FAR2: variants seen among roughly 807,000 people sequenced by gnomAD.
FAR2 encodes the protein fatty acyl-CoA reductase 2.
FAR2 carries 19 observed loss-of-function variants against 56.0 expected under a neutral mutation model. The observed-to-expected ratio is 0.34, with a 90% CI of 0.24 to 0.50. The LOEUF (loss-of-function observed/expected upper bound fraction) is 0.50. Ranked by LOEUF, FAR2 falls within the 20% of genes least tolerant of loss-of-function variation. The probability of loss-of-function intolerance (pLI) is 0.98; values close to 1 mark genes in which losing one functional copy is unlikely to be tolerated. For missense variants in FAR2, 508 were observed against 642.2 expected (o/e 0.79, Z 2.26); for synonymous variants, 219 against 218.8 (o/e 1.00, Z -0.01).
intron 6 of FAR2, 121 bp from the exon 7 acceptor site, chr12:29,310,907 G>A: frequency 1.3e-6 from 1 of 743,980 alleles, no homozygotes; most frequent in Non-Finnish European, 2.3e-6. Flanking sequence ...CTGGTAAGCA[G>A]TGGATCAATG....
At position 29,214,239 on chromosome 12, in the gene FAR2, T is replaced by C. The variant is rs150348256; in HGVS notation, c.-38-56173T>C. ...GGTATTTGAGAATACCACTTGCTGA[T>C]TAAATGTTGATGCAATATTTTTCCT... is the stretch of plus-strand genomic sequence containing the variant. On this transcript the variant is annotated intron_variant, in intron 1 of 11. Transcript: ENST00000536681. Among the ~76,000 whole-genome samples, 15 of 152,350 alleles carry C rather than the reference T, an allele frequency of 9.8e-5. 1 individual carries two copies. Among genetic ancestry groups the C allele is most frequent in the African/African-American group, 3.6e-4 (15 of 41,576 alleles).
chr12:29,220,358 A>G (rs1267759773), intron 1 of FAR2, among the ~76,000 whole-genome samples: 3 of 152,170 alleles, frequency 2.0e-5, no homozygotes, highest in Non-Finnish European at 4.4e-5. Context: ...AGGGAATCCT[A>G]TGGGTTAATG....
At chr12:29,280,059 G>A (rs1948763182) in intron 2 of FAR2, among the ~76,000 whole-genome samples, 1 of 151,914 alleles carries the variant, frequency 6.6e-6, no homozygotes, top group Non-Finnish European at 1.5e-5. Context: ...CAAGTAGCTG[G>A]GATTACAGGC....
rs183852134 is a variant in FAR2 at position 29,320,757 on chromosome 12, A to G, written c.1128-1038A>G. 1.1e-4 allele frequency among the ~76,000 whole-genome samples: 17 copies of G among 152,318 alleles called. No individual in the cohort carries two copies. The East Asian group carries it at 1.5e-3, about 14-fold the overall frequency. The stretch of plus-strand genomic sequence containing the variant: ...ATCTTACAGCCATATTGTTAGGATC[A>G]AGTAAGATTGTATATGAAAGTTTTT... On this transcript the variant is annotated intron_variant, in intron 9 of 11. Transcript: ENST00000536681.
rs1949767497 is a variant in FAR2, at chr12:29,334,034, T to G, written c.*240T>G. 2.6e-6 allele frequency: 1 copy of G among 381,006 alleles called. No individual in the cohort carries two copies. The highest frequency in any genetic ancestry group is 7.4e-4 in the Middle Eastern group (1 of 1,356). The allele number at this position is 381,006 out of a possible 1,614,324, so 23.6% of individuals were successfully genotyped here. On this transcript the variant is annotated 3_prime_UTR_variant, in exon 12 of 12. Coordinates refer to ENST00000536681, the MANE Select transcript of FAR2 (RefSeq NM_001271783.2). Reference sequence around the variant, plus strand: ...AAATCCAAATTGTTTCCTAACATTCTATTTTATGCCCTTGCGTATTAAACG... The same window carrying G: ...AAATCCAAATTGTTTCCTAACATTCGATTTTATGCCCTTGCGTATTAAACG...
At chr12:29,270,743 C>A in intron 2 of FAR2, 105 bp downstream of exon 2, 1 of 969,150 alleles carries the variant, frequency 1.0e-6, no homozygotes, top group Non-Finnish European at 1.4e-6. Flanking sequence ...ACCAGGCTAC[C>A]TGCACAGGTA....
chr12:29,289,665 G>T (rs962692337), intron 2 of FAR2, among the ~76,000 whole-genome samples: 3 of 152,236 alleles, frequency 2.0e-5, no homozygotes, highest in African/African-American at 7.2e-5. Flanking sequence ...ACAAGCACAG[G>T]CAACCAAAGC....
chr12:29,261,678 GAAAC>G (rs1318261386), intron 1 of FAR2, among the ~76,000 whole-genome samples: 1 of 152,124 alleles, frequency 6.6e-6, no homozygotes, highest in African/African-American at 2.4e-5. Flanking sequence ...CAAGAGAAAA[GAAAC>G]AAACAACATA....
chr12:29,227,726 T>C (rs1947791235), intron 1 of FAR2, among the ~76,000 whole-genome samples: 1 of 152,176 alleles, frequency 6.6e-6, no homozygotes, highest in South Asian at 2.1e-4. Flanking sequence ...AAAGCAGCAT[T>C]CTCTTGACTG....
intron 1 of FAR2, among the ~76,000 whole-genome samples, chr12:29,162,231 A>G (rs374122186): frequency 8.5e-5 from 13 of 152,366 alleles, no homozygotes; most frequent in African/African-American, 3.1e-4. Flanking sequence ...ACTAAAAGTT[A>G]TACTATCCAT....
At chr12:29,250,534 T>C (rs1469527813) in intron 1 of FAR2, among the ~76,000 whole-genome samples, 1 of 152,224 alleles carries the variant, frequency 6.6e-6, no homozygotes, top group Non-Finnish European at 1.5e-5. Context: ...CCTCATATTA[T>C]TTATTTTGTT....
At chr12:29,235,303 A>G (rs1380025350) in intron 1 of FAR2, among the ~76,000 whole-genome samples, 1 of 152,224 alleles carries the variant, frequency 6.6e-6, no homozygotes, top group Non-Finnish European at 1.5e-5. Flanking sequence ...AGGCAGAATG[A>G]CATTCCAAAC....
At chr12:29,193,577 G>T (rs1950120241) in intron 1 of FAR2, among the ~76,000 whole-genome samples, 3 of 152,132 alleles carry the variant, frequency 2.0e-5, no homozygotes. Context: ...TGGCTTGATA[G>T]CTCATTTCCA....
At chr12:29,203,379 A>G (rs1249595805) in intron 1 of FAR2, among the ~76,000 whole-genome samples, 1 of 152,214 alleles carries the variant, frequency 6.6e-6, no homozygotes, top group Non-Finnish European at 1.5e-5. Flanking sequence ...TCCTTTGCAA[A>G]GAAGTATTAC....
At chr12:29,190,622 AC>A (rs1191013936) in intron 1 of FAR2, among the ~76,000 whole-genome samples, 1 of 151,748 alleles carries the variant, frequency 6.6e-6, no homozygotes, top group Non-Finnish European at 1.5e-5. Flanking sequence ...ACACCACCAC[AC>A]CCGGCTAATT....
chr12:29,220,457 A>C (rs541968852), intron 1 of FAR2, among the ~76,000 whole-genome samples: 22 of 152,316 alleles, frequency 1.4e-4, no homozygotes, highest in African/African-American at 5.1e-4. Context: ...ACGTTTCTCT[A>C]TTAATTTAAT....
Position 29,153,433 on chromosome 12 carries a change from A to C in FAR2, c.-39+4026A>C, listed in dbSNP as rs182730980. Among the ~76,000 whole-genome samples, 79 of 152,352 alleles carry C rather than the reference A, an allele frequency of 5.2e-4. 1 individual carries two copies. The highest frequency in any genetic ancestry group is 3.1e-3 in the East Asian group (16 of 5,190). On this transcript the variant is annotated intron_variant, in intron 1 of 11. Coordinates refer to ENST00000536681, the MANE Select transcript of FAR2 (RefSeq NM_001271783.2). Reference sequence around the variant, plus strand: ...AAAACGCTTGCAGCATTCAGGGGACAGAGAGAAGGCAGGCCTTGTGACTGC... The same window carrying C: ...AAAACGCTTGCAGCATTCAGGGGACCGAGAGAAGGCAGGCCTTGTGACTGC...
At position 29,315,527 on chromosome 12, in the gene FAR2, T is replaced by C. The variant is rs1173945078; in HGVS notation, c.956-1314T>C. ...CGGCTGCCACATGGAGGTCAGACTG[T>C]AGGAGTACAAGGGTAGTGGCAGAGA... On this transcript the variant is annotated intron_variant, in intron 8 of 11. Transcript: ENST00000536681. 2.0e-5 allele frequency among the ~76,000 whole-genome samples: 3 copies of C among 152,290 alleles called. No homozygotes were observed. The East Asian group carries it at 5.8e-4, about 29-fold the overall frequency.
At chr12:29,305,587 T>C (rs553396586) in intron 4 of FAR2, among the ~76,000 whole-genome samples, 1 of 152,352 alleles carries the variant, frequency 6.6e-6, no homozygotes, top group South Asian at 2.1e-4. Flanking sequence ...TTTACCCTTA[T>C]GATAATTTAG....
Sources: gnomAD v4.1 joint callset for allele counts (sites outside exome capture counted in the v4.1 genomes callset) on GRCh38, gnomAD v4.1.1 for gene constraint, MANE v1.5 for transcripts, NCBI Gene and HGNC (gene_info 2026-07-23, HGNC 2026-07-21) for gene names.